The following CNTNAP2 variants were observed in gnomAD, a reference collection of about 807,000 sequenced individuals.
The protein encoded by CNTNAP2 is contactin-associated protein-like 2.
Under a neutral mutation model 155.2 loss-of-function variants are expected in CNTNAP2, and 98 were observed. The ratio of observed to expected loss-of-function variants is 0.63; its 90% CI spans 0.54 to 0.75. The LOEUF (loss-of-function observed/expected upper bound fraction) is 0.75, where lower values mean the gene tolerates loss of function less well. Ranked by LOEUF, CNTNAP2 falls within the 30% of genes least tolerant of loss-of-function variation. The probability of loss-of-function intolerance (pLI) is 0.00; values close to 1 mark genes in which losing one functional copy is unlikely to be tolerated. For missense variants in CNTNAP2, 1,727 were observed against 1,688.1 expected (o/e 1.02, Z -0.40); for synonymous variants, 651 against 631.2 (o/e 1.03, Z -0.47).
chr7:146,837,377 T>C (rs139288702), intron 2 of CNTNAP2, among the ~76,000 whole-genome samples: 131 of 152,304 alleles, frequency 8.6e-4, no homozygotes, highest in African/African-American at 2.9e-3. Flanking sequence ...ATTTCAGATG[T>C]AATTCTTACT....
intron 8 of CNTNAP2, among the ~76,000 whole-genome samples, chr7:147,195,167 C>T (rs1322900593): frequency 6.6e-6 from 1 of 152,130 alleles, no homozygotes; most frequent in African/African-American, 2.4e-5. Context: ...TTACCATTTA[C>T]TGAATAGGAG....
At chr7:148,009,948 C>G (rs529478243) in intron 15 of CNTNAP2, among the ~76,000 whole-genome samples, 1 of 152,142 alleles carries the variant, frequency 6.6e-6, no homozygotes, top group Admixed American at 6.5e-5. Flanking sequence ...GCAAGAATTT[C>G]TCTAAGGTAA....
chr7:146,641,353 A>T (rs1400787304), intron 1 of CNTNAP2, among the ~76,000 whole-genome samples: 1 of 152,110 alleles, frequency 6.6e-6, no homozygotes, highest in Non-Finnish European at 1.5e-5. Flanking sequence ...TACATAAATA[A>T]ATTAAAAAGA....
intron 1 of CNTNAP2, among the ~76,000 whole-genome samples, chr7:146,237,836 T>G (rs1799498988): frequency 6.6e-6 from 1 of 152,240 alleles, no homozygotes; most frequent in South Asian, 2.1e-4. Context: ...TAGTTTAACT[T>G]TCTTTAACCC....
chr7:147,180,479 A>T (rs879883465), intron 8 of CNTNAP2, among the ~76,000 whole-genome samples: 12 of 152,172 alleles, frequency 7.9e-5, no homozygotes, highest in Non-Finnish European at 1.5e-4. Flanking sequence ...CTTAAAATAG[A>T]ATTACCAACT....
intron 13 of CNTNAP2, among the ~76,000 whole-genome samples, chr7:147,812,259 G>GT (rs2116608497): frequency 6.6e-6 from 1 of 152,208 alleles, no homozygotes; most frequent in East Asian, 1.9e-4. Flanking sequence ...AGTAAACTTT[G>GT]TAACTTAGTC....
At chr7:147,377,066 T>G (rs1035000284) in intron 9 of CNTNAP2, among the ~76,000 whole-genome samples, 1 of 151,956 alleles carries the variant, frequency 6.6e-6, no homozygotes, top group African/African-American at 2.4e-5. Context: ...CTTTTCAGTA[T>G]AGTATTTCTT....
chr7:147,680,817 T>C (rs187469895), intron 13 of CNTNAP2, among the ~76,000 whole-genome samples: 1 of 151,700 alleles, frequency 6.6e-6, no homozygotes, highest in Admixed American at 6.6e-5. Context: ...ATAGTATGTA[T>C]AATAAATAGC....
intron 1 of CNTNAP2, among the ~76,000 whole-genome samples, chr7:146,700,300 T>C (rs963500612): frequency 6.6e-6 from 1 of 152,130 alleles, no homozygotes; most frequent in Non-Finnish European, 1.5e-5. Context: ...GGGGCAGTGG[T>C]TTGCCCTGTG....
intron 13 of CNTNAP2, among the ~76,000 whole-genome samples, chr7:147,752,669 C>T (rs10952710): frequency 0.88 from 134,436 of 152,166 alleles, 61,549 homozygotes; most frequent in Non-Finnish European, 0.99. Flanking sequence ...TGTAATTAAA[C>T]TGGTCGCTGA....
chr7:148,017,169 C>T (rs1585079544), intron 15 of CNTNAP2, among the ~76,000 whole-genome samples: 4 of 152,298 alleles, frequency 2.6e-5, no homozygotes, highest in Admixed American at 2.6e-4. Context: ...GGTTGCTCAG[C>T]TTGGTCACTG....
intron 11 of CNTNAP2, among the ~76,000 whole-genome samples, chr7:147,538,054 C>T (rs903072703): frequency 3.3e-5 from 5 of 152,148 alleles, no homozygotes; most frequent in African/African-American, 7.2e-5. Context: ...TTGATTCTAA[C>T]CTTCTGAACA....
intron 1 of CNTNAP2, among the ~76,000 whole-genome samples, chr7:146,605,907 T>G (rs917683317): frequency 6.6e-6 from 1 of 152,164 alleles, no homozygotes; most frequent in Non-Finnish European, 1.5e-5. Context: ...TTTAGTATAG[T>G]GCTCAACATT....
At chr7:146,625,911 A>T (rs992291121) in intron 1 of CNTNAP2, among the ~76,000 whole-genome samples, 1 of 152,120 alleles carries the variant, frequency 6.6e-6, no homozygotes, top group African/African-American at 2.4e-5. Flanking sequence ...CTATCTTATT[A>T]GCTACAATGC....
intron 12 of CNTNAP2, among the ~76,000 whole-genome samples, chr7:147,605,138 T>C (rs1174593033): frequency 6.6e-6 from 1 of 152,172 alleles, no homozygotes; most frequent in Non-Finnish European, 1.5e-5. Flanking sequence ...TTTCCTACTA[T>C]ACCTACTGCC....
chr7:147,469,735 A>G (rs6949853), intron 10 of CNTNAP2, among the ~76,000 whole-genome samples: 118,008 of 151,368 alleles, frequency 0.78, 46,372 homozygotes, highest in African/African-American at 0.87. Flanking sequence ...AGCCAGGATG[A>G]TCTCGATCTC....
chr7:147,023,040 C>G (rs2129247228), intron 3 of CNTNAP2, among the ~76,000 whole-genome samples: 1 of 152,120 alleles, frequency 6.6e-6, no homozygotes, highest in South Asian at 2.1e-4. Flanking sequence ...TGTCATAGGC[C>G]TGCCTTTTGC....
At chr7:147,957,240 T>C (rs1000700077) in intron 14 of CNTNAP2, among the ~76,000 whole-genome samples, 14 of 152,338 alleles carry the variant, frequency 9.2e-5, no homozygotes, top group Non-Finnish European at 1.8e-4. Flanking sequence ...GGGGTTTTGC[T>C]GACAAATACG....
chr7:148,343,522 A>G (rs780402363), intron 21 of CNTNAP2, among the ~76,000 whole-genome samples: 1 of 152,148 alleles, frequency 6.6e-6, no homozygotes, highest in Non-Finnish European at 1.5e-5. Context: ...ATTAATCAGT[A>G]ATTAATTAAT....
Sources: gnomAD v4.1 joint callset for allele counts (sites outside exome capture counted in the v4.1 genomes callset) on GRCh38, gnomAD v4.1.1 for gene constraint, MANE v1.5 for transcripts, NCBI Gene and HGNC (gene_info 2026-07-23, HGNC 2026-07-21) for gene names.